SLC5A10: variants seen among roughly 807,000 people sequenced by gnomAD.
The protein encoded by SLC5A10 is solute carrier family 5 member 10.
A neutral mutation model predicts 68.9 loss-of-function variants in SLC5A10; 55 were observed. The ratio of observed to expected loss-of-function variants is 0.80; its 90% CI spans 0.64 to 1.00. SLC5A10 has a LOEUF of 1.00. SLC5A10 is among the 50% of genes least tolerant of loss of function. The pLI is 0.00. For missense variants in SLC5A10, 732 were observed against 819.3 expected (o/e 0.89, Z 1.30); for synonymous variants, 344 against 344.8 (o/e 1.00, Z 0.02).
chr17:18,956,465 G>GTTTTTTTT (rs750867503), intron 1 of SLC5A10, among the ~76,000 whole-genome samples: 46 of 97,986 alleles, frequency 4.7e-4, no homozygotes, highest in Middle Eastern at 6.9e-3. Context: ...TTTTCTTTCT[G>GTTTTTTTT]TTTTTTTTTT....
chr17:19,001,698 C>A (rs144889057), intron 9 of SLC5A10, among the ~76,000 whole-genome samples: 2 of 152,200 alleles, frequency 1.3e-5, no homozygotes, highest in African/African-American at 4.8e-5. Flanking sequence ...TGGGACTGTA[C>A]GGAGTGGCTG....
intron 9 of SLC5A10, chr17:18,979,050 C>A: frequency 3.2e-6 from 2 of 616,306 alleles, no homozygotes; most frequent in South Asian, 3.9e-5. Flanking sequence ...CAAGCCCATT[C>A]CCACCTCTGC....
At chr17:18,977,834 A>G (rs1273963061) in intron 9 of SLC5A10, 2 of 1,610,390 alleles carry the variant, frequency 1.2e-6, no homozygotes, top group Non-Finnish European at 1.7e-6. Context: ...AGAGGAAGCC[A>G]CTGAGGGCCG....
chr17:19,015,054 C>G lies in SLC5A10; in HGVS notation c.1096C>G (p.Arg366Gly). Reference sequence around the variant, plus strand: ...CATCCCCCGTCCCACCCCAGGTCTGCGGGGGCTGATGATCGCAGTGATGCT... The same window carrying G: ...CATCCCCCGTCCCACCCCAGGTCTGGGGGGGCTGATGATCGCAGTGATGCT... ...LVMELMPIGLRGLMIAVMLAA... is the reference protein window; with the variant it reads ...LVMELMPIGLGGLMIAVMLAA... The change falls in exon 11 of 15, where the codon CGG (arginine) becomes GGG (glycine). Residue 366 changes from arginine (R) to glycine (G), a missense_variant. Transcript: ENST00000395645. The G allele has an allele frequency of 6.2e-7, 1 of 1,613,086 alleles. No individual in the cohort carries two copies. The highest frequency in any genetic ancestry group is 8.5e-7 in the Non-Finnish European group (1 of 1,179,302).
chr17:18,970,638 T>C (rs1171157299), intron 7 of SLC5A10: 3 of 282,774 alleles, frequency 1.1e-5, no homozygotes, highest in Non-Finnish European at 2.0e-5. Flanking sequence ...GGTCCTCAAA[T>C]GTCAAGAAAA....
At chr17:19,002,819 G>T (rs1037891918) in intron 9 of SLC5A10, among the ~76,000 whole-genome samples, 1 of 152,190 alleles carries the variant, frequency 6.6e-6, no homozygotes, top group Non-Finnish European at 1.5e-5. Flanking sequence ...CCCAACAGGG[G>T]TGGAGAAGGG....
upstream of SLC5A10, chr17:18,950,721 T>C (rs2042357086): frequency 3.0e-6 from 3 of 984,690 alleles, no homozygotes; most frequent in Middle Eastern, 5.2e-4. Flanking sequence ...GTTGTTGTTG[T>C]TGTTTGTTTT....
At chr17:18,977,714 G>A (rs773363329) in intron 9 of SLC5A10, 6 of 1,609,176 alleles carry the variant, frequency 3.7e-6, no homozygotes, top group Admixed American at 1.7e-5. Flanking sequence ...TATATGGGGG[G>A]CACTCAGCTG....
rs555632051 is a variant in SLC5A10 at position 19,018,586 on chromosome 17, G to A, written c.1242-837G>A. Reference sequence around the variant, plus strand: ...GTGAGCACCTCACCAGTGGTTTGTTGGATGAACAAGTGTAGCATGTGCCTG... The same window carrying A: ...GTGAGCACCTCACCAGTGGTTTGTTAGATGAACAAGTGTAGCATGTGCCTG... On this transcript the variant is annotated intron_variant, in intron 11 of 14. Transcript: ENST00000395645. This position sits in a 1 kb window ranked among gnomAD's most constrained non-coding sequence, Gnocchi z 4.2. The A allele has an allele frequency of 6.6e-6, 1 of 152,334 alleles. No individual in the cohort carries two copies. Among genetic ancestry groups the A allele is most frequent in the Non-Finnish European group, 1.5e-5 (1 of 68,116 alleles). 9.4% of individuals were successfully genotyped at this position (152,334 alleles called of 1,614,324 possible). A position where few individuals can be genotyped will look rare whatever the true frequency, so the allele number is the denominator to read the frequency against.
intron 9 of SLC5A10, chr17:18,979,239 C>T: frequency 2.1e-6 from 1 of 473,480 alleles, no homozygotes; most frequent in Non-Finnish European, 3.8e-6. Flanking sequence ...GTGGTGGTGC[C>T]CACAGAGCTG....
rs2042863392 is a variant in SLC5A10 at position 18,971,801 on chromosome 17, C to T, written c.846+583C>T. On this transcript the variant is annotated intron_variant, in intron 8 of 14. Coordinates refer to ENST00000395645, the MANE Select transcript of SLC5A10 (RefSeq NM_001042450.4). The surrounding 1 kb of genome is among the most constrained non-coding windows in gnomAD (Gnocchi z 5.5). ...CTGAGCAAGAAGGGCCAACCCCGCC[C>T]CAGCACAGGACCCTGCTCAGGCACA... 6.6e-7 allele frequency: 1 copy of T among 1,516,154 alleles called. No homozygotes were observed. The highest frequency in any genetic ancestry group is 8.8e-7 in the Non-Finnish European group (1 of 1,132,436). 93.9% of individuals were successfully genotyped at this position (1,516,154 alleles called of 1,614,324 possible). A position where few individuals can be genotyped will look rare whatever the true frequency, so the allele number is the denominator to read the frequency against.
chr17:19,015,447 G>T (rs1248611907), intron 11 of SLC5A10, among the ~76,000 whole-genome samples: 4 of 152,084 alleles, frequency 2.6e-5, no homozygotes, highest in African/African-American at 7.2e-5. Flanking sequence ...GCAGGGGCCA[G>T]CCCTCCCTCC....
chr17:18,959,111 T>C (rs1237597760), intron 2 of SLC5A10, 24 bp from the exon 3 acceptor site: 2 of 1,600,180 alleles, frequency 1.2e-6, no homozygotes, highest in Middle Eastern at 1.7e-4. Flanking sequence ...CTGCTGCTGA[T>C]GCGTTTCCCT....
chr17:18,995,814 A>T (rs2043553685), intron 9 of SLC5A10, among the ~76,000 whole-genome samples: 1 of 152,044 alleles, frequency 6.6e-6, no homozygotes, highest in Admixed American at 6.6e-5. Flanking sequence ...AGGCTGAGGC[A>T]GGAGAATTGC....
intron 9 of SLC5A10, among the ~76,000 whole-genome samples, chr17:19,011,277 T>C (rs920107359): frequency 6.6e-6 from 1 of 152,168 alleles, no homozygotes; most frequent in African/African-American, 2.4e-5. Context: ...CAATGGGCCT[T>C]GAAGCAGGAG....
chr17:18,971,798 G>C lies in SLC5A10; in HGVS notation c.846+580G>C, dbSNP rs961218171. 1 of 1,517,180 alleles carries C rather than the reference G, an allele frequency of 6.6e-7. No individual in the cohort carries two copies. The highest frequency in any genetic ancestry group is 8.8e-7 in the Non-Finnish European group (1 of 1,133,064). 94.0% of individuals were successfully genotyped at this position (1,517,180 alleles called of 1,614,324 possible). A position where few individuals can be genotyped will look rare whatever the true frequency, so the allele number is the denominator to read the frequency against. On this transcript the variant is annotated intron_variant, in intron 8 of 14. Coordinates refer to ENST00000395645, the MANE Select transcript of SLC5A10 (RefSeq NM_001042450.4). This position sits in a 1 kb window ranked among gnomAD's most constrained non-coding sequence, Gnocchi z 5.5. ...AGGCTGAGCAAGAAGGGCCAACCCC[G>C]CCCCAGCACAGGACCCTGCTCAGGC...
At chr17:19,007,108 G>T (rs1045792467) in intron 9 of SLC5A10, among the ~76,000 whole-genome samples, 1 of 152,060 alleles carries the variant, frequency 6.6e-6, no homozygotes, top group Non-Finnish European at 1.5e-5. Flanking sequence ...TTTTTCCAGA[G>T]TGGCTGTACC....
At chr17:18,999,438 T>A (rs1257881795) in intron 9 of SLC5A10, among the ~76,000 whole-genome samples, 1 of 152,176 alleles carries the variant, frequency 6.6e-6, no homozygotes, top group African/African-American at 2.4e-5. Context: ...ACTGGGGGTC[T>A]CGGCCCAGTC....
chr17:18,978,571 AGAG>A (rs1251971554), intron 9 of SLC5A10: 8 of 1,613,096 alleles, frequency 5.0e-6, no homozygotes, highest in South Asian at 4.4e-5. Context: ...CCTGCTTCTC[AGAG>A]GAGATCTTGG....
Sources: allele counts gnomAD v4.1 joint callset (sites outside exome capture counted in the v4.1 genomes callset), GRCh38; gene constraint gnomAD v4.1.1; non-coding constraint Gnocchi (gnomAD v3.1); transcripts MANE v1.5; gene names NCBI Gene and HGNC (gene_info 2026-07-23, HGNC 2026-07-21).